The following GALNT9 variants were observed in gnomAD, a reference collection of about 807,000 sequenced individuals.
The protein encoded by GALNT9 is GalNAc transferase 9.
In GALNT9, 47 loss-of-function variants were observed where a neutral mutation model predicts 63.1. The observed-to-expected ratio is 0.75, with a 90% CI of 0.59 to 0.95. The LOEUF (loss-of-function observed/expected upper bound fraction) is 0.95. Among genes scored for constraint, GALNT9 ranks in the 40% least tolerant of loss-of-function variants. GALNT9 has a pLI of 0.00. For missense variants in GALNT9, 829 were observed against 874.8 expected, an observed-to-expected ratio of 0.95 and a Z score of 0.66; for synonymous variants, 396 against 365.7, an observed-to-expected ratio of 1.08 and a Z score of -0.94.
At chr12:132,239,801 G>T (rs1340418822) in intron 6 of GALNT9, among the ~76,000 whole-genome samples, 7 of 152,134 alleles carry the variant, frequency 4.6e-5, no homozygotes, top group Admixed American at 2.0e-4. Flanking sequence ...CAGATGCAGA[G>T]ACAGAGATAA....
chr12:132,208,652 C>T (rs962515985), intron 6 of GALNT9, among the ~76,000 whole-genome samples: 5 of 152,202 alleles, frequency 3.3e-5, no homozygotes, highest in East Asian at 3.8e-4. Context: ...CAGCCAACCC[C>T]GCTCACCTGG....
At position 132,257,736 on chromosome 12, in the gene GALNT9, G is replaced by A; in HGVS notation, c.912C>T (p.Ile304=). ...CGCGGTCCAGCCAGTCCTGCGGGGG[G>A]ATGATGTACATGCACCAGAGGCCCC... ...YNWGLWCMYI[I]PPQDWLDRGD... The change falls in exon 5 of 11, where the codon ATC becomes ATT. Residue 304 remains isoleucine (I), a synonymous_variant. Transcript: ENST00000328957. 2.6e-6 allele frequency: 4 copies of A among 1,550,392 alleles called. No individual in the cohort carries two copies. Among genetic ancestry groups the A allele is most frequent in the Non-Finnish European group, 3.5e-6 (4 of 1,146,808 alleles).
intron 6 of GALNT9, 135 bp from the exon 7 acceptor site, chr12:132,203,825 G>T: frequency 1.1e-6 from 1 of 912,044 alleles, no homozygotes; most frequent in Non-Finnish European, 1.6e-6. Flanking sequence ...GGGCCTGGTG[G>T]GTCCCGGGGC....
intron 7 of GALNT9, 87 bp downstream of exon 7, chr12:132,203,417 TA>T: frequency 1.6e-6 from 2 of 1,284,914 alleles, no homozygotes; most frequent in Non-Finnish European, 2.2e-6. Flanking sequence ...CAGGGGGCCC[TA>T]GGGGGCCTCC....
Position 132,245,702 on chromosome 12 carries a change from C to T in GALNT9, c.1077+2208G>A, listed in dbSNP as rs116372865. On this transcript the variant is annotated intron_variant, in intron 6 of 10. Coordinates refer to ENST00000328957, the MANE Select transcript of GALNT9 (RefSeq NM_001122636.2). The surrounding 1 kb of genome is among the most constrained non-coding windows in gnomAD (Gnocchi z 6.3). ...CCACCACACAGGTTCGCTGTCGTCC[C>T]GGCTTTGCTCTGAGCCTGAGCCTGG... 1.3e-5 allele frequency among the ~76,000 whole-genome samples: 2 copies of T among 152,264 alleles called. No homozygotes were observed. The highest frequency in any genetic ancestry group is 2.4e-5 in the African/African-American group (1 of 41,474).
rs1555238029 is a variant in GALNT9 at position 132,246,803 on chromosome 12, T to G, written c.1077+1107A>C. On this transcript the variant is annotated intron_variant, in intron 6 of 10. Coordinates refer to ENST00000328957, the MANE Select transcript of GALNT9 (RefSeq NM_001122636.2). The surrounding 1 kb of genome is among the most constrained non-coding windows in gnomAD (Gnocchi z 4.7). Reference sequence around the variant, plus strand: ...ACCTCTGCCTCCCACAGTGTTGGGATTACAGGCGTGAGCCTCAGTGCCCGG... The same window carrying G: ...ACCTCTGCCTCCCACAGTGTTGGGAGTACAGGCGTGAGCCTCAGTGCCCGG... 6.6e-6 allele frequency among the ~76,000 whole-genome samples: 1 copy of G among 152,206 alleles called. No homozygotes were observed. Among genetic ancestry groups the G allele is most frequent in the Non-Finnish European group, 1.5e-5 (1 of 68,042 alleles).
At chr12:132,228,725 C>T (rs1028573250) in intron 6 of GALNT9, among the ~76,000 whole-genome samples, 9 of 152,114 alleles carry the variant, frequency 5.9e-5, no homozygotes, top group South Asian at 2.1e-4. Context: ...GCAGCATGTC[C>T]GAGCGTTTCA....
At chr12:132,305,278 C>T (rs1257140926) in intron 1 of GALNT9, among the ~76,000 whole-genome samples, 1 of 52,804 alleles carries the variant, frequency 1.9e-5, no homozygotes, top group Non-Finnish European at 3.2e-5. Context: ...CCGGGGCACA[C>T]CCTCGCCCGG....
chr12:132,204,781 AAAG>A (rs1876539995), intron 6 of GALNT9, among the ~76,000 whole-genome samples: 1 of 152,030 alleles, frequency 6.6e-6, no homozygotes, highest in Non-Finnish European at 1.5e-5. Flanking sequence ...CCCATTAAAA[AAAG>A]GCCGATGCCA....
At chr12:132,204,167 TCC>T (rs201981146) in intron 6 of GALNT9, among the ~76,000 whole-genome samples, 6 of 74,528 alleles carry the variant, frequency 8.1e-5, no homozygotes, top group Non-Finnish European at 2.1e-4. Flanking sequence ...CCAACCAGCC[TCC>T]CCAGCTAATA....
At chr12:132,251,477 G>T (rs1460504182) in intron 5 of GALNT9, among the ~76,000 whole-genome samples, 2 of 152,210 alleles carry the variant, frequency 1.3e-5, no homozygotes, top group Non-Finnish European at 2.9e-5. Context: ...TTGTCAATGG[G>T]GTTGGGGTCG....
chr12:132,309,851 G>A (rs1420127823), intron 1 of GALNT9, among the ~76,000 whole-genome samples: 1 of 152,234 alleles, frequency 6.6e-6, no homozygotes, highest in Non-Finnish European at 1.5e-5. Flanking sequence ...TAGAGGGCAA[G>A]GGCCCAGCAG....
chr12:132,292,305 G>C (rs782729158), intron 1 of GALNT9, among the ~76,000 whole-genome samples: 6 of 152,204 alleles, frequency 3.9e-5, no homozygotes, highest in Non-Finnish European at 8.8e-5. Context: ...AGCCGCCTGA[G>C]GTGGGTGAAT....
intron 6 of GALNT9, among the ~76,000 whole-genome samples, chr12:132,227,112 T>C (rs1877723772): frequency 6.6e-6 from 1 of 152,132 alleles, no homozygotes; most frequent in East Asian, 1.9e-4. Context: ...CATAAATCCA[T>C]GAAAATATGC....
At position 132,296,251 on chromosome 12, in the gene GALNT9, C is replaced by T. The variant is rs183053205; in HGVS notation, c.239-9821G>A. 5.3e-4 allele frequency among the ~76,000 whole-genome samples: 81 copies of T among 152,388 alleles called. No homozygotes were observed. The highest frequency in any genetic ancestry group is 1.8e-3 in the African/African-American group (75 of 41,598). On this transcript the variant is annotated intron_variant, in intron 1 of 10. Transcript: ENST00000328957. The surrounding 1 kb of genome is among the most constrained non-coding windows in gnomAD (Gnocchi z 4.2). The stretch of plus-strand genomic sequence containing the variant: ...CCACGCAGTCTGTGGTGATCTGTCA[C>T]GGCAGCCCCAAGAGATGACCGCACA...
At chr12:132,303,913 A>G (rs1352274352) in intron 1 of GALNT9, among the ~76,000 whole-genome samples, 1 of 38,206 alleles carries the variant, frequency 2.6e-5, no homozygotes, top group Admixed American at 2.8e-4. Context: ...CCTCACCCAG[A>G]CACAGCCTCG....
chr12:132,229,762 C>CA (rs1464313961), intron 6 of GALNT9, among the ~76,000 whole-genome samples: 1 of 152,244 alleles, frequency 6.6e-6, no homozygotes, highest in Non-Finnish European at 1.5e-5. Flanking sequence ...AGCACCAACT[C>CA]AGTGCCAGTT....
At position 132,254,169 on chromosome 12, in the gene GALNT9, C is replaced by G. The variant is rs533295820; in HGVS notation, c.959+3520G>C. Among the ~76,000 whole-genome samples the G allele has an allele frequency of 1.1e-4, 16 of 152,052 alleles. No individual in the cohort carries two copies. The East Asian group carries it at 3.1e-3, about 29-fold the overall frequency. Reference sequence around the variant, plus strand: ...CCCAAGTAGTTGGGATTACAGGCACCTGACACCACGCCCTGCGAATTTTTG... The same window carrying G: ...CCCAAGTAGTTGGGATTACAGGCACGTGACACCACGCCCTGCGAATTTTTG... On this transcript the variant is annotated intron_variant, in intron 5 of 10. Transcript: ENST00000328957.
At chr12:132,254,627 A>C (rs1479934617) in intron 5 of GALNT9, among the ~76,000 whole-genome samples, 1 of 152,242 alleles carries the variant, frequency 6.6e-6, no homozygotes, top group Non-Finnish European at 1.5e-5. Flanking sequence ...CTCCAGGGTG[A>C]GTTTTGACAG....
Sources: gnomAD v4.1 joint callset for allele counts (sites outside exome capture counted in the v4.1 genomes callset) on GRCh38, gnomAD v4.1.1 for gene constraint, Gnocchi (gnomAD v3.1) non-coding constraint, MANE v1.5 for transcripts, NCBI Gene and HGNC (gene_info 2026-07-23, HGNC 2026-07-21) for gene names.